Variants in MID1 observed in about 807,000 individuals in gnomAD.
The protein encoded by MID1 is E3 ubiquitin-protein ligase Midline-1.
Under a neutral mutation model 40.4 loss-of-function variants are expected in MID1, and 7 were observed. The observed-to-expected ratio is 0.17, with a 90% confidence interval of 0.10 to 0.33. The LOEUF (loss-of-function observed/expected upper bound fraction) is 0.33. Among genes scored for constraint, MID1 ranks in the 10% least tolerant of loss-of-function variants. The probability of loss-of-function intolerance (pLI) is 1.00; values close to 1 mark genes in which losing one functional copy is unlikely to be tolerated. For synonymous variants in MID1, 229 were observed against 221.2 expected (o/e 1.04, Z -0.31); for missense variants, 367 against 558.5 (o/e 0.66, Z 3.46).
At position 10,809,920 on chromosome X, in the gene MID1, A is replaced by C. The variant is rs1602591341; in HGVS notation, c.-187+23634T>G. Among the ~76,000 whole-genome samples the C allele has an allele frequency of 3.6e-5, 4 of 110,836 alleles. No homozygotes were observed. In the East Asian group the frequency reaches 8.4e-4, roughly 23 times the overall value. On this transcript the variant is annotated intron_variant, in intron 1 of 10. Coordinates refer to the MID1 transcript ENST00000380785. ...CCCTAGAACTTAAAGTATAATAATA[A>C]AAAAATAATAAAAATAAAATAAAAT...
chrX:10,558,319 C>T (rs747335920), intron 2 of MID1, among the ~76,000 whole-genome samples: 12 of 106,667 alleles, frequency 1.1e-4, no homozygotes, highest in Non-Finnish European at 1.7e-4. Context: ...TTCTTTGATG[C>T]ATAATCCACA....
At chrX:10,586,631 G>T (rs373639486) in intron 1 of MID1, among the ~76,000 whole-genome samples, 6 of 112,512 alleles carry the variant, frequency 5.3e-5, no homozygotes, top group African/African-American at 1.9e-4. Flanking sequence ...AGCTAATGAT[G>T]TCCTTTGGTA....
chrX:10,464,875 C>T (rs1291398059), intron 7 of MID1, among the ~76,000 whole-genome samples: 3 of 111,179 alleles, frequency 2.7e-5, no homozygotes, highest in Non-Finnish European at 3.8e-5. Flanking sequence ...GTGTCCATGA[C>T]GATTTGATTT....
At chrX:10,493,235 G>A (rs1160574149) in intron 4 of MID1, among the ~76,000 whole-genome samples, 1 of 112,147 alleles carries the variant, frequency 8.9e-6, no homozygotes, top group Non-Finnish European at 1.9e-5. Flanking sequence ...GAAGGCCTGT[G>A]TCAGAGAAGA....
chrX:10,566,031 A>C (rs771405612), intron 2 of MID1, among the ~76,000 whole-genome samples: 3 of 110,462 alleles, frequency 2.7e-5, no homozygotes, highest in Admixed American at 1.9e-4. Flanking sequence ...GATGGTTTTG[A>C]ACTGCTGACC....
At chrX:10,810,509 C>T (rs752701175) in intron 1 of MID1, among the ~76,000 whole-genome samples, 5 of 111,939 alleles carry the variant, frequency 4.5e-5, no homozygotes, top group Non-Finnish European at 7.5e-5. Flanking sequence ...TGAGTCCCTG[C>T]TCCCTGCTTT....
chrX:10,806,596 TA>T (rs1464716622), intron 1 of MID1, among the ~76,000 whole-genome samples: 3 of 112,447 alleles, frequency 2.7e-5, no homozygotes, highest in Non-Finnish European at 3.8e-5. Context: ...GATGTTACTA[TA>T]TTTTAAATTT....
At chrX:10,730,187 T>TA (rs1490289166) in intron 1 of MID1, among the ~76,000 whole-genome samples, 1 of 111,514 alleles carries the variant, frequency 9.0e-6, no homozygotes, top group Non-Finnish European at 1.9e-5. Flanking sequence ...ATGTATTTGT[T>TA]ATGTAGAGTA....
chrX:10,701,117 C>G (rs1307390205), intron 1 of MID1, among the ~76,000 whole-genome samples: 1 of 111,683 alleles, frequency 9.0e-6, no homozygotes, highest in Non-Finnish European at 1.9e-5. Flanking sequence ...CACTCTAAAG[C>G]AGCCGCTGTT....
At chrX:10,788,794 T>C (rs1291914108) in intron 1 of MID1, among the ~76,000 whole-genome samples, 1 of 111,670 alleles carries the variant, frequency 9.0e-6, no homozygotes. Flanking sequence ...GTGCCAAGGT[T>C]TAGAAATCGT....
intron 6 of MID1, among the ~76,000 whole-genome samples, 186 bp from the exon 7 acceptor site, chrX:10,470,026 G>C (rs1481576282): frequency 6.2e-5 from 7 of 112,295 alleles, no homozygotes. Context: ...TTAATAAGGA[G>C]TGTGACTAGA....
intron 1 of MID1, among the ~76,000 whole-genome samples, chrX:10,747,284 T>C (rs1196409474): frequency 8.9e-6 from 1 of 111,962 alleles, no homozygotes; most frequent in Non-Finnish European, 1.9e-5. Flanking sequence ...GCTCATGCCG[T>C]GGCAGCTGGA....
chrX:10,799,355 A>G (rs991875839), intron 1 of MID1, among the ~76,000 whole-genome samples: 5 of 112,329 alleles, frequency 4.5e-5, no homozygotes, highest in Non-Finnish European at 3.8e-5. Context: ...GTTTAGACAA[A>G]GTAATCAATT....
intron 1 of MID1, among the ~76,000 whole-genome samples, chrX:10,803,247 A>G (rs141323478): frequency 0.032 from 3,589 of 111,744 alleles, 160 homozygotes; most frequent in African/African-American, 0.11. Context: ...AAAAATATAA[A>G]TAAATATAAA....
chrX:10,754,544 C>G (rs1219957395), intron 1 of MID1, among the ~76,000 whole-genome samples: 1 of 110,712 alleles, frequency 9.0e-6, no homozygotes, highest in Non-Finnish European at 1.9e-5. Context: ...CGTAAGACCC[C>G]CTGAAATGAA....
chrX:10,482,652 G>C (rs1232417979), intron 4 of MID1, 24 bp from the exon 5 acceptor site: 3 of 1,203,937 alleles, frequency 2.5e-6, no homozygotes, highest in Non-Finnish European at 2.2e-6. Context: ...GGCATGGAGA[G>C]AGATGGTTAC....
In MID1 at chrX:10,659,116, T is replaced by G. The variant is rs997818973; in HGVS notation, c.-186-38697A>C. ...ATGTAGCCAACAAAGGATCTCTTGA[T>G]TCAAATGATACCAATGTCAAATGCT... On this transcript the variant is annotated intron_variant, in intron 1 of 10. Coordinates refer to the MID1 transcript ENST00000380785. Among the ~76,000 whole-genome samples the G allele has an allele frequency of 2.7e-5, 3 of 112,017 alleles. No individual in the cohort carries two copies. The Admixed American group carries it at 2.8e-4, about 11-fold the overall frequency.
chrX:10,811,789 A>T lies in MID1; in HGVS notation c.-187+21765T>A, dbSNP rs574135476. ...ATCAGACTAGGACTGATCTGTGATG[A>T]AATTTCCAACAAGGTGTAGTGAAAT... On this transcript the variant is annotated intron_variant, in intron 1 of 10. Coordinates refer to the MID1 transcript ENST00000380785. Among the ~76,000 whole-genome samples the T allele has an allele frequency of 8.2e-4, 92 of 111,962 alleles. 1 individual carries two copies. In the South Asian group the frequency reaches 0.032, roughly 39 times the overall value.
intron 2 of MID1, among the ~76,000 whole-genome samples, chrX:10,530,953 G>A (rs1007786528): frequency 8.9e-6 from 1 of 112,080 alleles, no homozygotes; most frequent in Non-Finnish European, 1.9e-5. Flanking sequence ...GGTTTGCCCA[G>A]GACTTAAAGA....
Sources: gnomAD v4.1 joint callset for allele counts (sites outside exome capture counted in the v4.1 genomes callset) on GRCh38, gnomAD v4.1.1 for gene constraint, MANE v1.5 for transcripts, NCBI Gene and HGNC (gene_info 2026-07-23, HGNC 2026-07-21) for gene names.